Variants in DST observed in about 807,000 individuals in gnomAD.
DST encodes bullous pemphigoid antigen.
DST carries 253 observed loss-of-function variants against 875.2 expected under a neutral mutation model. The observed-to-expected ratio is 0.29, with a 90% CI of 0.26 to 0.32. DST has a LOEUF of 0.32. Among genes scored for constraint, DST ranks in the 10% least tolerant of loss-of-function variants. The pLI, the probability that DST is intolerant of heterozygous loss-of-function variation, is 1.00. For synonymous variants in DST, 3,124 were observed against 3,197.1 expected, an observed-to-expected ratio of 0.98 and a Z score of 0.77; for missense variants, 8,287 against 9,111.6, an observed-to-expected ratio of 0.91 and a Z score of 3.68.
intron 4 of DST, among the ~76,000 whole-genome samples, chr6:56,787,841 CA>C (rs1166289802): frequency 6.6e-6 from 1 of 152,008 alleles, no homozygotes; most frequent in Non-Finnish European, 1.5e-5. Context: ...ATATTCTCTT[CA>C]AAATCAGACT....
intron 10 of DST, among the ~76,000 whole-genome samples, chr6:56,664,467 C>T (rs575494682): frequency 7.9e-4 from 121 of 152,320 alleles, no homozygotes; most frequent in Non-Finnish European, 1.5e-3. Flanking sequence ...GAGGAACAAG[C>T]ACTACTGTCT....
chr6:56,909,028 C>G (rs1282334522), intron 2 of DST, among the ~76,000 whole-genome samples: 1 of 152,124 alleles, frequency 6.6e-6, no homozygotes, highest in African/African-American at 2.4e-5. Flanking sequence ...TCTTAATAAA[C>G]TTACTTTCAT....
intron 17 of DST, among the ~76,000 whole-genome samples, chr6:56,641,148 AGG>A (rs1214526326): frequency 6.0e-5 from 9 of 150,884 alleles, no homozygotes; most frequent in African/African-American, 1.7e-4. Context: ...AGAGAGAGAG[AGG>A]TTATAGCCTG....
chr6:56,760,325 T>A (rs3002011), intron 4 of DST, among the ~76,000 whole-genome samples: 14 of 152,042 alleles, frequency 9.2e-5, no homozygotes, highest in Non-Finnish European at 2.1e-4. Flanking sequence ...TTTTAATGTA[T>A]CTTATTTAAA....
intron 37 of DST, 128 bp from the exon 38 acceptor site, chr6:56,611,724 T>A: frequency 1.6e-6 from 1 of 643,380 alleles, no homozygotes; most frequent in East Asian, 2.8e-5. Context: ...CCCAAGTGAA[T>A]AACCTATCAG....
chr6:56,777,625 G>T (rs1188586607), intron 4 of DST, among the ~76,000 whole-genome samples: 1 of 151,962 alleles, frequency 6.6e-6, no homozygotes, highest in African/African-American at 2.4e-5. Flanking sequence ...AAAGGCACAA[G>T]AAGGCATAAA....
chr6:56,503,301 C>G (rs1407203809), intron 78 of DST, among the ~76,000 whole-genome samples: 2 of 151,936 alleles, frequency 1.3e-5, no homozygotes, highest in Non-Finnish European at 2.9e-5. Flanking sequence ...TTATTTGCAA[C>G]ACAAAGGATA....
rs2152736003 is a variant in DST at position 56,619,077 on chromosome 6, G to A, written c.4930-4593C>T. ...CTTACCAAATTTTGACTTTTCGCCA[G>A]GTCTTCTTCTAGGCATTTAATTTTT... On this transcript the variant is annotated intron_variant, in intron 36 of 103. Transcript: ENST00000680361. 2 of 1,613,852 alleles carry A rather than the reference G, an allele frequency of 1.2e-6. No homozygotes were observed. Among genetic ancestry groups the A allele is most frequent in the Non-Finnish European group, 1.7e-6 (2 of 1,179,968 alleles).
At position 56,526,545 on chromosome 6, in the gene DST, T is replaced by C; in HGVS notation, c.17945A>G (p.Asn5982Ser). The change falls in exon 69 of 104, where the codon AAC (asparagine) becomes AGC (serine). Residue 5982 changes from asparagine (N) to serine (S), a missense_variant. Transcript: ENST00000680361. ...AAGGGAGTCCAGTAAGGCTTTGTTG[T>C]TCTTAGCTTCCTTTTTCAGTTCCTG... ...RPKELKKEAK[N>S]NKALLDSLNE... 6.2e-7 allele frequency: 1 copy of C among 1,613,454 alleles called. No homozygotes were observed. The highest frequency in any genetic ancestry group is 1.1e-5 in the South Asian group (1 of 91,022).
In DST at chr6:56,699,182, A is replaced by C. The variant is rs561925373; in HGVS notation, c.1047+471T>G. 5.3e-5 allele frequency among the ~76,000 whole-genome samples: 8 copies of C among 152,370 alleles called. No individual in the cohort carries two copies. The South Asian group carries it at 1.7e-3, about 32-fold the overall frequency. ...ATTTTCCTCAAATCTAAAGAGAGAA[A>C]GCACAGCTCTGCATAAAACATGAAT... is the stretch of plus-strand genomic sequence containing the variant. On this transcript the variant is annotated intron_variant, in intron 9 of 103. Coordinates refer to ENST00000680361, the MANE Select transcript of DST (RefSeq NM_001374736.1).
At position 56,670,815 on chromosome 6, in the gene DST, T is replaced by G. The variant is rs770635340; in HGVS notation, c.1048-8A>C. 6 of 1,573,204 alleles carry G rather than the reference T, an allele frequency of 3.8e-6. No homozygotes were observed. In the Admixed American group the frequency reaches 1.1e-4, roughly 29 times the overall value. ...AACATGGATATCAGATATCTAGATATAACAGAAAGTGTTAAACCTTTAGGA... is the reference window on the plus strand; with the variant it reads ...AACATGGATATCAGATATCTAGATAGAACAGAAAGTGTTAAACCTTTAGGA... On this transcript the variant is annotated splice_region_variant and splice_polypyrimidine_tract_variant and intron_variant, in intron 9 of 103. Transcript: ENST00000680361.
chr6:56,513,657 C>A (rs1450083715), intron 72 of DST, among the ~76,000 whole-genome samples: 1 of 152,212 alleles, frequency 6.6e-6, no homozygotes, highest in Non-Finnish European at 1.5e-5. Context: ...AGCCACTGTG[C>A]CTGGCCGAGG....
intron 4 of DST, among the ~76,000 whole-genome samples, chr6:56,803,344 A>T (rs955797798): frequency 1.3e-5 from 2 of 152,216 alleles, no homozygotes; most frequent in African/African-American, 2.4e-5. Flanking sequence ...TTAGTTTTCC[A>T]TCGGCGTTGT....
intron 83 of DST, among the ~76,000 whole-genome samples, chr6:56,493,561 A>G (rs968653269): frequency 1.3e-5 from 2 of 152,168 alleles, no homozygotes; most frequent in African/African-American, 2.4e-5. Context: ...TAACAAAGAC[A>G]TATTCATAAT....
intron 2 of DST, among the ~76,000 whole-genome samples, chr6:56,942,771 A>G (rs1353161242): frequency 7.5e-6 from 1 of 133,974 alleles, no homozygotes; most frequent in African/African-American, 2.9e-5. Flanking sequence ...GCTAGAGTGC[A>G]GTGGTATGAT....
intron 61 of DST, among the ~76,000 whole-genome samples, chr6:56,548,007 T>C (rs76387771): frequency 0.018 from 2,679 of 152,266 alleles, 74 homozygotes; most frequent in African/African-American, 0.062. Flanking sequence ...TGAATTACAA[T>C]TGGGGCAGCA....
At chr6:56,662,029 T>A (rs2099045701) in intron 10 of DST, among the ~76,000 whole-genome samples, 1 of 152,054 alleles carries the variant, frequency 6.6e-6, no homozygotes, top group East Asian at 1.9e-4. Flanking sequence ...TTCAATTTCA[T>A]CACGGGCACA....
chr6:56,857,531 C>T (rs1179873642), intron 3 of DST, among the ~76,000 whole-genome samples: 1 of 152,154 alleles, frequency 6.6e-6, no homozygotes, highest in Non-Finnish European at 1.5e-5. Flanking sequence ...TAGTCCTAAG[C>T]ATAATTTTAG....
intron 2 of DST, among the ~76,000 whole-genome samples, chr6:56,948,675 T>C (rs977766785): frequency 2.4e-4 from 36 of 152,246 alleles, no homozygotes; most frequent in African/African-American, 8.2e-4. Flanking sequence ...CCTTCAGGCT[T>C]CAGCATAAAT....
Sources: allele counts gnomAD v4.1 joint callset (sites outside exome capture counted in the v4.1 genomes callset), GRCh38; gene constraint gnomAD v4.1.1; transcripts MANE v1.5; gene names NCBI Gene and HGNC (gene_info 2026-07-23, HGNC 2026-07-21).